ERICH3: variants seen among roughly 807,000 people sequenced by gnomAD.
ERICH3 encodes the protein glutamate-rich protein 3.
ERICH3 carries 126 observed loss-of-function variants against 131.1 expected under a neutral mutation model. The observed-to-expected ratio is 0.96, with a 90% CI of 0.83 to 1.11. The LOEUF (loss-of-function observed/expected upper bound fraction) is 1.11, where lower values mean the gene tolerates loss of function less well. Ranked by LOEUF, ERICH3 falls within the 50% of genes most tolerant of loss-of-function variation. ERICH3 has a pLI of 0.00. For synonymous variants in ERICH3, 695 were observed against 644.6 expected (o/e 1.08, Z -1.18); for missense variants, 2,050 against 1,810.7 (o/e 1.13, Z -2.40).
chr1:74,573,644 GT>G (rs1477086382), intron 13 of ERICH3, among the ~76,000 whole-genome samples, 153 bp from the exon 14 acceptor site: 1 of 152,108 alleles, frequency 6.6e-6, no homozygotes, highest in African/African-American at 2.4e-5. Context: ...TTTCTCCATT[GT>G]TTCTAGGATG....
At chr1:74,592,603 T>A (rs1399565163) in intron 11 of ERICH3, among the ~76,000 whole-genome samples, 1 of 152,194 alleles carries the variant, frequency 6.6e-6, no homozygotes, top group Non-Finnish European at 1.5e-5. Context: ...CTCCTCTGCC[T>A]TTCTTTAGCA....
chr1:74,591,128 A>G (rs1400014226), intron 11 of ERICH3, among the ~76,000 whole-genome samples: 1 of 152,168 alleles, frequency 6.6e-6, no homozygotes, highest in East Asian at 1.9e-4. Flanking sequence ...TTTTTAGGTG[A>G]CACTTGCATG....
rs779984601 is a variant in ERICH3 at position 74,571,836 on chromosome 1, C to T, written c.3874G>A (p.Glu1292Lys). 73 of 1,612,606 alleles carry T rather than the reference C, an allele frequency of 4.5e-5. No individual in the cohort carries two copies. In the Admixed American group the frequency reaches 1.2e-3, roughly 27 times the overall value. ...TTGTCCTCTTCCTCCTCTGGGTCCT[C>T]ATCCACCGCTTCCTCCCTGAACTTT... is the stretch of plus-strand genomic sequence containing the variant. Reference protein sequence around the residue: ...AEKFREEAVDEDPEEEEDKEC... With the variant: ...AEKFREEAVDKDPEEEEDKEC... The change falls in exon 14 of 15, where the codon GAG (glutamate) becomes AAG (lysine). Residue 1292 changes from glutamate to lysine, a missense_variant. Transcript: ENST00000326665.
chr1:74,626,919 G>A (rs1337120679), intron 7 of ERICH3, among the ~76,000 whole-genome samples: 2 of 152,146 alleles, frequency 1.3e-5, no homozygotes, highest in African/African-American at 2.4e-5. Flanking sequence ...TAGAGGAGCA[G>A]GTGGTGGATA....
intron 13 of ERICH3, among the ~76,000 whole-genome samples, chr1:74,575,198 G>A (rs935196454): frequency 2.6e-5 from 4 of 152,250 alleles, no homozygotes; most frequent in South Asian, 2.1e-4. Context: ...CACAAAACAC[G>A]GTTATCGTTT....
chr1:74,589,108 T>G (rs1228987564), intron 12 of ERICH3, among the ~76,000 whole-genome samples: 1 of 152,114 alleles, frequency 6.6e-6, no homozygotes, highest in African/African-American at 2.4e-5. Flanking sequence ...TACATTTCAT[T>G]TTTCATCTGT....
intron 14 of ERICH3, 61 bp downstream of exon 14, chr1:74,571,038 G>T: frequency 6.5e-7 from 1 of 1,534,888 alleles, no homozygotes; most frequent in Non-Finnish European, 8.7e-7. Flanking sequence ...CAGCCCCAAG[G>T]GGAGGAGACC....
At chr1:74,594,406 C>T (rs1212155394) in intron 11 of ERICH3, among the ~76,000 whole-genome samples, 1 of 151,910 alleles carries the variant, frequency 6.6e-6, no homozygotes, top group Non-Finnish European at 1.5e-5. Context: ...AAAGTCAACA[C>T]CAGTCCAGCA....
chr1:74,639,772 G>T (rs1390708775), intron 5 of ERICH3, among the ~76,000 whole-genome samples: 2 of 152,058 alleles, frequency 1.3e-5, no homozygotes, highest in African/African-American at 4.8e-5. Flanking sequence ...CATTGTATTG[G>T]ATGCTTTCCT....
intron 10 of ERICH3, among the ~76,000 whole-genome samples, chr1:74,602,797 A>C (rs868753957): frequency 3.9e-5 from 6 of 151,962 alleles, no homozygotes; most frequent in Admixed American, 6.6e-5. Flanking sequence ...TGACTTTCAT[A>C]AACCACCATG....
intron 1 of ERICH3, among the ~76,000 whole-genome samples, chr1:74,663,615 T>C (rs1337572373): frequency 7.0e-6 from 1 of 141,884 alleles, no homozygotes; most frequent in Non-Finnish European, 1.5e-5. Flanking sequence ...TCCTTCCTGA[T>C]TTTTGTTAAA....
rs1479259262 is a variant in ERICH3 at position 74,572,733 on chromosome 1, G to A, written c.2977C>T (p.Arg993Cys). The change falls in exon 14 of 15, where the codon CGC becomes TGC. Residue 993 changes from arginine (R) to cysteine (C), a missense_variant. Physicochemically the swap from Arg to Cys is radical, Grantham distance 180. Transcript: ENST00000326665. ...ERKEVMRTETRLSPFTGEAEA... is the reference protein window; with the variant it reads ...ERKEVMRTETCLSPFTGEAEA... The stretch of plus-strand genomic sequence containing the variant: ...GCCTCTCCTGTGAAGGGGCTCAAGC[G>A]TGTTTCTGTTCTCATAACCTCTTTT... 4 of 1,613,764 alleles carry A rather than the reference G, an allele frequency of 2.5e-6. No homozygotes were observed. Among genetic ancestry groups the A allele is most frequent in the East Asian group, 2.2e-5 (1 of 44,822 alleles).
chr1:74,577,569 G>A (rs893806737), intron 12 of ERICH3: 2 of 152,158 alleles, frequency 1.3e-5, no homozygotes, highest in Non-Finnish European at 1.5e-5. Context: ...AATAAGTGGG[G>A]TCAATTTAAG....
At chr1:74,637,356 A>G (rs1646398800) in intron 5 of ERICH3, among the ~76,000 whole-genome samples, 1 of 152,020 alleles carries the variant, frequency 6.6e-6, no homozygotes, top group African/African-American at 2.4e-5. Context: ...CTGTTCCCCC[A>G]TTAGGCCTGG....
At chr1:74,666,064 A>T (rs1334221683) in intron 1 of ERICH3, among the ~76,000 whole-genome samples, 1 of 152,186 alleles carries the variant, frequency 6.6e-6, no homozygotes, top group Non-Finnish European at 1.5e-5. Context: ...CCATCAAAAA[A>T]GGGCATAGAT....
chr1:74,636,561 T>C, intron 5 of ERICH3, 123 bp from the exon 6 acceptor site: 1 of 931,294 alleles, frequency 1.1e-6, no homozygotes, highest in Non-Finnish European at 1.6e-6. Flanking sequence ...CAGATTAAAC[T>C]TTAATTATGT....
intron 8 of ERICH3, among the ~76,000 whole-genome samples, 166 bp downstream of exon 8, chr1:74,620,568 A>G (rs547334750): frequency 1.9e-4 from 29 of 152,292 alleles, no homozygotes; most frequent in Admixed American, 8.5e-4. Flanking sequence ...TTCAGTTTCA[A>G]TCATAGAGCA....
chr1:74,643,634 T>C (rs1489649503), intron 3 of ERICH3, among the ~76,000 whole-genome samples: 1 of 152,140 alleles, frequency 6.6e-6, no homozygotes, highest in African/African-American at 2.4e-5. Flanking sequence ...CAAGCTCATA[T>C]TGTGTATCTG....
At chr1:74,601,344 A>G (rs1190464395) in intron 10 of ERICH3, among the ~76,000 whole-genome samples, 3 of 151,830 alleles carry the variant, frequency 2.0e-5, no homozygotes, top group African/African-American at 7.2e-5. Context: ...ATAAAATTGC[A>G]AGACAGAAGA....
Sources: gnomAD v4.1 joint callset for allele counts (sites outside exome capture counted in the v4.1 genomes callset) on GRCh38, gnomAD v4.1.1 for gene constraint, MANE v1.5 for transcripts, NCBI Gene and HGNC (gene_info 2026-07-23, HGNC 2026-07-21) for gene names.